Variants in WHAMM observed in about 807,000 individuals in gnomAD.
The protein encoded by WHAMM is WASP homolog associated with actin, golgi membranes and microtubules.
WHAMM carries 67 observed loss-of-function variants against 76.5 expected under a neutral mutation model. That is an observed-to-expected ratio of 0.88 (90% confidence interval 0.72 to 1.07). The LOEUF (loss-of-function observed/expected upper bound fraction) is 1.07, where lower values mean the gene tolerates loss of function less well. Among genes scored for constraint, WHAMM ranks in the 50% least tolerant of loss-of-function variants. WHAMM has a pLI of 0.00. For synonymous variants in WHAMM, 419 were observed against 422.1 expected, an observed-to-expected ratio of 0.99 and a Z score of 0.09; for missense variants, 1,021 against 1,051.1, an observed-to-expected ratio of 0.97 and a Z score of 0.40.
At chr15:82,831,949 T>A (rs965158387) in intron 9 of WHAMM, among the ~76,000 whole-genome samples, 4 of 152,260 alleles carry the variant, frequency 2.6e-5, no homozygotes, top group Non-Finnish European at 4.4e-5. Flanking sequence ...TTGAGCAATC[T>A]GGCTATTCTG....
At chr15:82,817,196 A>T (rs1264978170) in intron 3 of WHAMM, among the ~76,000 whole-genome samples, 1 of 152,214 alleles carries the variant, frequency 6.6e-6, no homozygotes, top group South Asian at 2.1e-4. Flanking sequence ...GAGAGAAAAT[A>T]AAAAGTGAGG....
chr15:82,832,468 C>T (rs775904002), intron 9 of WHAMM, among the ~76,000 whole-genome samples: 24 of 152,132 alleles, frequency 1.6e-4, no homozygotes, highest in Non-Finnish European at 3.1e-4. Flanking sequence ...AGATTTTTAC[C>T]CTCTCAGGGG....
chr15:82,824,654 C>T (rs1311505302), intron 6 of WHAMM, among the ~76,000 whole-genome samples: 2 of 152,066 alleles, frequency 1.3e-5, no homozygotes, highest in Non-Finnish European at 1.5e-5. Flanking sequence ...TTAGTAGAGA[C>T]GGGGTTTCAC....
intron 6 of WHAMM, among the ~76,000 whole-genome samples, chr15:82,825,101 G>T (rs2050908330): frequency 6.6e-6 from 1 of 151,960 alleles, no homozygotes; most frequent in African/African-American, 2.4e-5. Context: ...CTTCAGCTGG[G>T]GTGATAGAAC....
chr15:82,813,587 A>T (rs1372439576), intron 2 of WHAMM, among the ~76,000 whole-genome samples: 1 of 150,338 alleles, frequency 6.7e-6, no homozygotes, highest in South Asian at 2.1e-4. Context: ...TACGTTGGTC[A>T]TCTTAATAGC....
rs67120933 is a variant in WHAMM, at chr15:82,822,824, GTATA to G, written c.1271-265_1271-262del. On this transcript the variant is annotated intron_variant, in intron 5 of 9. Transcript: ENST00000286760. ...ATGTAAGTAGTATGTGTGTGTGTGT[GTATA>G]TATATATATACACACATATGTCTAT... 7.8e-5 allele frequency among the ~76,000 whole-genome samples: 11 copies of G among 141,782 alleles called. 1 individual carries two copies. Among genetic ancestry groups the G allele is most frequent in the African/African-American group, 2.1e-4 (8 of 38,386 alleles). 93.0% of individuals were successfully genotyped at this position (141,782 alleles called of 152,430 possible). A position where few individuals can be genotyped will look rare whatever the true frequency, so the allele number is the denominator to read the frequency against.
chr15:82,833,584 G>C lies in WHAMM; in HGVS notation c.*48G>C. Reference sequence around the variant, plus strand: ...TGCCACAGTAGGCTTGAATAAAGTGGGTGAGTCTTAGACCTATCGAAAAGC... The same window carrying C: ...TGCCACAGTAGGCTTGAATAAAGTGCGTGAGTCTTAGACCTATCGAAAAGC... On this transcript the variant is annotated 3_prime_UTR_variant, in exon 10 of 10. Coordinates refer to ENST00000286760, the MANE Select transcript of WHAMM (RefSeq NM_001080435.3). 1 of 1,591,354 alleles carries C rather than the reference G, an allele frequency of 6.3e-7. No individual in the cohort carries two copies. Among genetic ancestry groups the C allele is most frequent in the Non-Finnish European group, 8.5e-7 (1 of 1,170,362 alleles).
At position 82,835,667 on chromosome 15, in the gene WHAMM, G is replaced by A. The variant is rs1344760675; in HGVS notation, c.*2131G>A. On this transcript the variant is annotated 3_prime_UTR_variant, in exon 10 of 10. Transcript: ENST00000286760. ...TCACTGTGCTGGCCCAGGCCTGATGGGCCAAGCCCTGACTCTGCACTGGCC... is the reference window on the plus strand; with the variant it reads ...TCACTGTGCTGGCCCAGGCCTGATGAGCCAAGCCCTGACTCTGCACTGGCC... The A allele has an allele frequency of 1.3e-5, 2 of 152,302 alleles. No homozygotes were observed. Among genetic ancestry groups the A allele is most frequent in the Non-Finnish European group, 2.9e-5 (2 of 68,144 alleles). 9.4% of individuals were successfully genotyped at this position (152,302 alleles called of 1,614,324 possible). A position where few individuals can be genotyped will look rare whatever the true frequency, so the allele number is the denominator to read the frequency against.
Position 82,809,759 on chromosome 15 carries a change from C to T in WHAMM, c.33C>T (p.Gly11=). Residue 11 remains glycine (G), a synonymous_variant, in exon 1 of 10, where the codon GGC becomes GGT. Coordinates refer to ENST00000286760, the MANE Select transcript of WHAMM (RefSeq NM_001080435.3). ...ACGAGCAGCCTGACAGCCTGGAGGG[C>T]TGGGTGCCGGTCCGGGAGGGCCTCT... is the stretch of plus-strand genomic sequence containing the variant. MEDEQPDSLE[G]WVPVREGLFA... is the part of the protein sequence containing the mutation. 6.3e-7 allele frequency: 1 copy of T among 1,576,818 alleles called. No homozygotes were observed. The highest frequency in any genetic ancestry group is 8.6e-7 in the Non-Finnish European group (1 of 1,162,154).
chr15:82,810,847 T>C, intron 1 of WHAMM: 1 of 796,752 alleles, frequency 1.3e-6, no homozygotes, highest in South Asian at 5.7e-5. Context: ...GAAGGTGAAC[T>C]TTATTCATCA....
chr15:82,814,103 T>C (rs1596277329), intron 2 of WHAMM, among the ~76,000 whole-genome samples: 1 of 152,228 alleles, frequency 6.6e-6, no homozygotes, highest in East Asian at 1.9e-4. Context: ...GTAAATGCTG[T>C]TATCACTCTT....
chr15:82,816,683 T>C lies in WHAMM; in HGVS notation c.784-9T>C. 6.5e-7 allele frequency: 1 copy of C among 1,534,434 alleles called. No homozygotes were observed. Among genetic ancestry groups the C allele is most frequent in the Non-Finnish European group, 8.8e-7 (1 of 1,142,764 alleles). On this transcript the variant is annotated splice_polypyrimidine_tract_variant and intron_variant, in intron 2 of 9. Transcript: ENST00000286760. ...CTCTTACTAAGAAAATTTTCCCTTC[T>C]GTCTGTAGAAGTCTTTGGATGAGGA...
Position 82,815,111 on chromosome 15 carries a change from TTATATATATATATATATATATATATATA to T in WHAMM, c.784-1564_784-1537del, listed in dbSNP as rs147147568. Among the ~76,000 whole-genome samples the T allele has an allele frequency of 2.6e-4, 13 of 49,608 alleles. No individual in the cohort carries two copies. The Admixed American group carries it at 4.3e-3, about 16-fold the overall frequency. The allele number at this position is 49,608 out of a possible 152,430, so 32.5% of individuals were successfully genotyped here. On this transcript the variant is annotated intron_variant, in intron 2 of 9. Coordinates refer to ENST00000286760, the MANE Select transcript of WHAMM (RefSeq NM_001080435.3). ...TGTTTTAAGATATCACTCACAGATT[TTATATATATATATATATATATATATATA>T]TATATATATATATATAGTACAATTC...
intron 9 of WHAMM, among the ~76,000 whole-genome samples, chr15:82,831,873 C>T (rs2051037474): frequency 1.3e-5 from 2 of 152,226 alleles, no homozygotes; most frequent in Admixed American, 6.5e-5. Context: ...TCCACCTAAA[C>T]TGTGCAAGGT....
Position 82,829,874 on chromosome 15 carries a change from T to C in WHAMM, c.1642-725T>C, listed in dbSNP as rs955127702. Among the ~76,000 whole-genome samples the C allele has an allele frequency of 8.5e-5, 13 of 152,234 alleles. No homozygotes were observed. In the South Asian group the frequency reaches 2.5e-3, roughly 29 times the overall value. ...ATGTTTTATTGGCTAATCAGTGCCTTCTTTAGGGACTTCCTCTCAAGATTA... is the reference window on the plus strand; with the variant it reads ...ATGTTTTATTGGCTAATCAGTGCCTCCTTTAGGGACTTCCTCTCAAGATTA... On this transcript the variant is annotated intron_variant, in intron 8 of 9. Transcript: ENST00000286760.
At chr15:82,831,384 C>T (rs185354063) in intron 9 of WHAMM, among the ~76,000 whole-genome samples, 2 of 152,314 alleles carry the variant, frequency 1.3e-5, no homozygotes, top group African/African-American at 4.8e-5. Context: ...TTTCTTAAGA[C>T]TTCAGTATGT....
intron 2 of WHAMM, 61 bp downstream of exon 2, chr15:82,813,337 A>G: frequency 1.5e-6 from 2 of 1,308,894 alleles, no homozygotes; most frequent in South Asian, 1.7e-5. Flanking sequence ...TTATTTCTTT[A>G]TTTACACTTA....
intron 6 of WHAMM, 47 bp downstream of exon 6, chr15:82,823,334 T>G: frequency 1.5e-6 from 2 of 1,329,150 alleles, no homozygotes; most frequent in Non-Finnish European, 1.9e-6. Context: ...TTTCAGAGAT[T>G]TATTCTTGTA....
chr15:82,813,610 C>A, intron 2 of WHAMM, among the ~76,000 whole-genome samples: 1 of 140,432 alleles, frequency 7.1e-6, no homozygotes, highest in Non-Finnish European at 1.5e-5. Flanking sequence ...AAGATTCCTA[C>A]AGATTTGAAA....
Sources: allele counts gnomAD v4.1 joint callset (sites outside exome capture counted in the v4.1 genomes callset), GRCh38; gene constraint gnomAD v4.1.1; transcripts MANE v1.5; gene names NCBI Gene and HGNC (gene_info 2026-07-23, HGNC 2026-07-21).